Variants in TANC2 observed in about 807,000 individuals in gnomAD.
The protein encoded by TANC2 is protein TANC2.
Under a neutral mutation model 210.5 loss-of-function variants are expected in TANC2, and 26 were observed. The observed-to-expected ratio is 0.12, with a 90% CI of 0.09 to 0.17. The LOEUF (loss-of-function observed/expected upper bound fraction) is 0.17. Among genes scored for constraint, TANC2 ranks in the 10% least tolerant of loss-of-function variants. The probability of loss-of-function intolerance (pLI) is 1.00; values close to 1 mark genes in which losing one functional copy is unlikely to be tolerated. For synonymous variants in TANC2, 931 were observed against 967.1 expected (o/e 0.96, Z 0.69); for missense variants, 2,129 against 2,608.9 (o/e 0.82, Z 4.01).
chr17:63,083,760 T>A (rs2144737604), intron 3 of TANC2, among the ~76,000 whole-genome samples: 1 of 152,346 alleles, frequency 6.6e-6, no homozygotes, highest in Non-Finnish European at 1.5e-5. Context: ...ATGTGATTTT[T>A]CTTCTTTAGC....
intron 7 of TANC2, among the ~76,000 whole-genome samples, chr17:63,213,735 A>G (rs1198448701): frequency 6.6e-6 from 1 of 152,242 alleles, no homozygotes; most frequent in African/African-American, 2.4e-5. Context: ...TTACTGAAAG[A>G]CTGAATATGT....
intron 2 of TANC2, among the ~76,000 whole-genome samples, chr17:63,055,978 AAAAAAAAAAAAAATATATAT>A (rs1180233022): frequency 2.5e-3 from 70 of 27,820 alleles, no homozygotes; most frequent in African/African-American, 6.8e-3. Context: ...AAAAAAAAAA[AAAAAAAAAAAAAATATATAT>A]ATATATATAT....
At chr17:63,215,335 T>TA in intron 7 of TANC2, among the ~76,000 whole-genome samples, 1 of 152,146 alleles carries the variant, frequency 6.6e-6, no homozygotes, top group Non-Finnish European at 1.5e-5. Flanking sequence ...AATGTGATAA[T>TA]AAAAAATATG....
At chr17:63,322,479 CAG>C (rs2045526081) in intron 11 of TANC2, among the ~76,000 whole-genome samples, 1 of 152,046 alleles carries the variant, frequency 6.6e-6, no homozygotes, top group Non-Finnish European at 1.5e-5. Flanking sequence ...GCCTGGGCGA[CAG>C]AGCAAGACTA....
chr17:62,990,540 C>G (rs1441419772), intron 1 of TANC2, among the ~76,000 whole-genome samples: 1 of 151,786 alleles, frequency 6.6e-6, no homozygotes, highest in African/African-American at 2.4e-5. Context: ...CACCTTGGAC[C>G]CCCAAAGTGC....
chr17:63,360,549 GAT>G (rs1204670882), intron 14 of TANC2, among the ~76,000 whole-genome samples: 1 of 152,032 alleles, frequency 6.6e-6, no homozygotes, highest in East Asian at 1.9e-4. Flanking sequence ...GGTTACATGA[GAT>G]ATTTTGATAT....
intron 7 of TANC2, among the ~76,000 whole-genome samples, chr17:63,206,351 T>G (rs999500698): frequency 6.6e-6 from 1 of 152,202 alleles, no homozygotes; most frequent in Admixed American, 6.5e-5. Context: ...CTCTTCTAAG[T>G]ATATACCTGA....
At chr17:63,350,012 T>C (rs1006522672) in intron 12 of TANC2, among the ~76,000 whole-genome samples, 5 of 152,240 alleles carry the variant, frequency 3.3e-5, no homozygotes, top group South Asian at 4.1e-4. Flanking sequence ...GTTAAAATTC[T>C]TCATAATTTG....
At chr17:63,401,864 A>G (rs1471342525) in intron 19 of TANC2, among the ~76,000 whole-genome samples, 1 of 152,232 alleles carries the variant, frequency 6.6e-6, no homozygotes, top group African/African-American at 2.4e-5. Context: ...AGTTTACGAC[A>G]TAAACTTACT....
intron 14 of TANC2, among the ~76,000 whole-genome samples, chr17:63,376,893 C>T (rs113905519): frequency 6.6e-6 from 1 of 150,448 alleles, no homozygotes; most frequent in Non-Finnish European, 1.5e-5. Context: ...TCTCAGCTCA[C>T]TGCAAGCTCC....
At chr17:63,237,681 C>A in intron 7 of TANC2, 133 bp from the exon 8 acceptor site, 2 of 851,972 alleles carry the variant, frequency 2.3e-6, no homozygotes, top group Non-Finnish European at 3.5e-6. Flanking sequence ...CTGCATATGG[C>A]AATCCAGTTT....
At chr17:63,037,744 G>A (rs143979977) in intron 2 of TANC2, among the ~76,000 whole-genome samples, 75 of 152,214 alleles carry the variant, frequency 4.9e-4, no homozygotes, top group African/African-American at 1.8e-3. Flanking sequence ...AACCTGGGAG[G>A]TGGAGGTTGC....
chr17:63,385,980 A>G (rs1230325715), intron 15 of TANC2, among the ~76,000 whole-genome samples: 1 of 152,232 alleles, frequency 6.6e-6, no homozygotes, highest in African/African-American at 2.4e-5. Context: ...ATACGTAGAA[A>G]TAATTAGCAC....
chr17:62,985,317 T>C (rs1374598295), intron 1 of TANC2, among the ~76,000 whole-genome samples: 2 of 152,172 alleles, frequency 1.3e-5, no homozygotes, highest in Non-Finnish European at 2.9e-5. Context: ...TCTTTTTCTT[T>C]TACTTTTGAC....
chr17:63,413,494 C>A (rs2048767142), intron 24 of TANC2, 49 bp from the exon 25 acceptor site: 1 of 1,474,890 alleles, frequency 6.8e-7, no homozygotes, highest in East Asian at 2.5e-5. Flanking sequence ...TTCCTACCAC[C>A]CTTACATTGT....
At chr17:63,398,137 A>T (rs2048227990) in intron 18 of TANC2, among the ~76,000 whole-genome samples, 1 of 152,130 alleles carries the variant, frequency 6.6e-6, no homozygotes, top group Non-Finnish European at 1.5e-5. Flanking sequence ...AAAGGAAGAT[A>T]ATCACTTTAC....
intron 14 of TANC2, among the ~76,000 whole-genome samples, chr17:63,375,956 G>A (rs1216606462): frequency 6.6e-6 from 1 of 151,992 alleles, no homozygotes; most frequent in Non-Finnish European, 1.5e-5. Context: ...GGGCATGGTG[G>A]CACATGCCTG....
chr17:62,980,408 T>G (rs1227479929), intron 1 of TANC2, among the ~76,000 whole-genome samples: 1 of 152,162 alleles, frequency 6.6e-6, no homozygotes. Context: ...ACTTTTTGAG[T>G]GCTGACATGA....
At chr17:63,406,889 G>T (rs2048527171) in intron 21 of TANC2, among the ~76,000 whole-genome samples, 1 of 152,176 alleles carries the variant, frequency 6.6e-6, no homozygotes, top group African/African-American at 2.4e-5. Flanking sequence ...GACCTCTGTA[G>T]TAGAAAAAGC....
Sources: gnomAD v4.1 joint callset for allele counts (sites outside exome capture counted in the v4.1 genomes callset) on GRCh38, gnomAD v4.1.1 for gene constraint, MANE v1.5 for transcripts, NCBI Gene and HGNC (gene_info 2026-07-23, HGNC 2026-07-21) for gene names.